Variants in SNX29 observed in about 807,000 individuals in gnomAD.
The protein encoded by SNX29 is sorting nexin 29.
Under a neutral mutation model 102.1 loss-of-function variants are expected in SNX29, and 78 were observed. That is an observed-to-expected ratio of 0.76 (90% CI 0.64 to 0.92). The LOEUF (loss-of-function observed/expected upper bound fraction) is 0.92, where lower values mean the gene tolerates loss of function less well. Among genes scored for constraint, SNX29 ranks in the 40% least tolerant of loss-of-function variants. The pLI, the probability that SNX29 is intolerant of heterozygous loss-of-function variation, is 0.00. For synonymous variants in SNX29, 580 were observed against 414.5 expected, an observed-to-expected ratio of 1.40 and a Z score of -4.85; for missense variants, 1,280 against 1,061.7, an observed-to-expected ratio of 1.21 and a Z score of -2.86.
chr16:12,151,678 G>T (rs555127539), intron 13 of SNX29, among the ~76,000 whole-genome samples: 1 of 152,030 alleles, frequency 6.6e-6, no homozygotes, highest in East Asian at 1.9e-4. Context: ...CCTCATTATG[G>T]TTTTACATTT....
At chr16:12,426,084 A>ATT (rs530487278) in intron 18 of SNX29, among the ~76,000 whole-genome samples, 1 of 147,426 alleles carries the variant, frequency 6.8e-6, no homozygotes, top group Non-Finnish European at 1.5e-5. Flanking sequence ...TAGTTATCTT[A>ATT]TTTTTTTTTT....
At chr16:12,356,443 G>C (rs953180343) in intron 16 of SNX29, among the ~76,000 whole-genome samples, 164 bp downstream of exon 16, 1 of 152,178 alleles carries the variant, frequency 6.6e-6, no homozygotes, top group African/African-American at 2.4e-5. Context: ...GGAGGGGGTA[G>C]AATAAGTAAA....
chr16:12,566,732 G>A (rs886797134), intron 20 of SNX29, among the ~76,000 whole-genome samples: 1 of 152,166 alleles, frequency 6.6e-6, no homozygotes, highest in African/African-American at 2.4e-5. Context: ...GATCATGTTT[G>A]CTTTGGGCCT....
rs191918040 is a variant in SNX29 at position 12,478,007 on chromosome 16, A to G, written c.2178+148A>G. 3.9e-4 allele frequency: 362 copies of G among 930,518 alleles called. 1 individual carries two copies. The African/African-American group carries it at 5.6e-3, about 14-fold the overall frequency. The allele number at this position is 930,518 out of a possible 1,614,324, so 57.6% of individuals were successfully genotyped here. ...AAAAAAATAGAGAAAAGAAATAGCCATTCATAATTCCACCACCTAAAGATG... is the reference window on the plus strand; with the variant it reads ...AAAAAAATAGAGAAAAGAAATAGCCGTTCATAATTCCACCACCTAAAGATG... On this transcript the variant is annotated intron_variant, in intron 19 of 20. Coordinates refer to ENST00000566228, the MANE Select transcript of SNX29 (RefSeq NM_032167.5).
chr16:12,196,568 C>A (rs1490582507), intron 13 of SNX29, among the ~76,000 whole-genome samples: 1 of 151,948 alleles, frequency 6.6e-6, no homozygotes, highest in African/African-American at 2.4e-5. Flanking sequence ...AAATGTCCAA[C>A]TCTGCCACAG....
chr16:12,467,477 G>A (rs1000458062), intron 18 of SNX29, among the ~76,000 whole-genome samples: 2 of 152,110 alleles, frequency 1.3e-5, no homozygotes, highest in African/African-American at 2.4e-5. Flanking sequence ...ACAGACACAC[G>A]GGTGACTTCC....
intron 18 of SNX29, among the ~76,000 whole-genome samples, chr16:12,458,108 A>G (rs2151742007): frequency 6.6e-6 from 1 of 152,374 alleles, no homozygotes; most frequent in Admixed American, 6.5e-5. Context: ...AAGACTGTGC[A>G]TCTGTAGATG....
intron 14 of SNX29, among the ~76,000 whole-genome samples, chr16:12,240,620 G>A (rs1326124460): frequency 1.0e-5 from 1 of 97,628 alleles, no homozygotes; most frequent in African/African-American, 4.3e-5. Flanking sequence ...TTTGTGAGAC[G>A]GAGTCTCGCT....
chr16:12,256,383 G>C (rs1314491824), intron 14 of SNX29, among the ~76,000 whole-genome samples: 2 of 152,098 alleles, frequency 1.3e-5, no homozygotes, highest in African/African-American at 2.4e-5. Flanking sequence ...GTCTCATTCT[G>C]TCATGCAGAT....
intron 1 of SNX29, among the ~76,000 whole-genome samples, chr16:11,998,213 C>T (rs1596553981): frequency 6.6e-6 from 1 of 152,170 alleles, no homozygotes; most frequent in African/African-American, 2.4e-5. Context: ...AGCGTCTGCC[C>T]TTAGAAACTG....
chr16:12,518,627 A>ACTTGCCCCAGCC (rs1399745165), intron 19 of SNX29, among the ~76,000 whole-genome samples: 1 of 152,060 alleles, frequency 6.6e-6, no homozygotes, highest in African/African-American at 2.4e-5. Context: ...CCATCGCAGC[A>ACTTGCCCCAGCC]CTTGCCCCAG....
At chr16:12,568,236 C>G (rs1336182872) in intron 20 of SNX29, among the ~76,000 whole-genome samples, 3 of 150,444 alleles carry the variant, frequency 2.0e-5, no homozygotes, top group East Asian at 4.0e-4. Flanking sequence ...AAAATGTAGA[C>G]CGGAACGGTG....
intron 15 of SNX29, among the ~76,000 whole-genome samples, chr16:12,326,553 A>G (rs72786355): frequency 0.017 from 2,545 of 152,240 alleles, 36 homozygotes; most frequent in Middle Eastern, 0.024. Context: ...TAGGTGATAC[A>G]TAAATGAATG....
intron 19 of SNX29, among the ~76,000 whole-genome samples, chr16:12,480,121 G>C (rs1021010507): frequency 5.3e-5 from 8 of 152,304 alleles, no homozygotes; most frequent in African/African-American, 1.9e-4. Context: ...ACAACATTAA[G>C]TCAACACTTG....
chr16:12,338,473 ATC>A (rs2081518510), intron 15 of SNX29, among the ~76,000 whole-genome samples: 2 of 152,300 alleles, frequency 1.3e-5, no homozygotes, highest in East Asian at 3.9e-4. Context: ...CTCACCGTGC[ATC>A]AGGCGTTGTG....
At chr16:12,000,100 C>T (rs1055327191) in intron 2 of SNX29, among the ~76,000 whole-genome samples, 2 of 152,062 alleles carry the variant, frequency 1.3e-5, no homozygotes, top group African/African-American at 4.8e-5. Context: ...TGTGGACGCT[C>T]CAGGTAGCTT....
intron 18 of SNX29, among the ~76,000 whole-genome samples, chr16:12,447,026 G>T (rs1055578091): frequency 7.3e-5 from 11 of 151,618 alleles, no homozygotes; most frequent in African/African-American, 2.2e-4. Flanking sequence ...AATTAGCAGG[G>T]TGTGGTGGCA....
At chr16:12,386,180 C>G (rs2083334498) in intron 16 of SNX29, among the ~76,000 whole-genome samples, 2 of 152,184 alleles carry the variant, frequency 1.3e-5, no homozygotes, top group Admixed American at 1.3e-4. Flanking sequence ...CTCCTGGATC[C>G]AAGACCAAGG....
intron 9 of SNX29, among the ~76,000 whole-genome samples, chr16:12,067,563 C>T (rs1322936206): frequency 1.3e-5 from 2 of 152,254 alleles, no homozygotes; most frequent in Non-Finnish European, 2.9e-5. Context: ...TCTCAGCTCA[C>T]TGCAACCTCC....
Sources: allele counts gnomAD v4.1 joint callset (sites outside exome capture counted in the v4.1 genomes callset), GRCh38; gene constraint gnomAD v4.1.1; transcripts MANE v1.5; gene names NCBI Gene and HGNC (gene_info 2026-07-23, HGNC 2026-07-21).